STXBP3: variants seen among roughly 807,000 people sequenced by gnomAD.
The protein encoded by STXBP3 is syntaxin binding protein 3, also known as syntaxin-binding protein 3.
Under a neutral mutation model 85.7 loss-of-function variants are expected in STXBP3, and 41 were observed. The observed-to-expected ratio is 0.48, with a 90% CI of 0.37 to 0.62. The LOEUF (loss-of-function observed/expected upper bound fraction) is 0.62. Ranked by LOEUF, STXBP3 falls within the 20% of genes least tolerant of loss-of-function variation. STXBP3 has a pLI of 0.00. For synonymous variants in STXBP3, 229 were observed against 231.7 expected (o/e 0.99, Z 0.10); for missense variants, 563 against 703.1 (o/e 0.80, Z 2.25).
intron 15 of STXBP3, among the ~76,000 whole-genome samples, chr1:108,797,553 C>T (rs531209949): frequency 6.4e-4 from 97 of 151,444 alleles, no homozygotes; most frequent in African/African-American, 2.1e-3. Context: ...GGATTACAGG[C>T]GCCTGCCATC....
chr1:108,772,901 A>G (rs768422624), intron 7 of STXBP3, 82 bp downstream of exon 7: 2 of 1,297,008 alleles, frequency 1.5e-6, no homozygotes, highest in Non-Finnish European at 1.0e-6. Flanking sequence ...GTACCTTGGC[A>G]TGTTGGTTTG....
At chr1:108,795,800 T>G (rs1244357954) in intron 13 of STXBP3, among the ~76,000 whole-genome samples, 1 of 152,260 alleles carries the variant, frequency 6.6e-6, no homozygotes, top group Non-Finnish European at 1.5e-5. Flanking sequence ...ATGTTCATAT[T>G]TTCTTGTGTA....
chr1:108,753,321 C>T (rs1431330922), intron 3 of STXBP3, 177 bp downstream of exon 3: 11 of 339,986 alleles, frequency 3.2e-5, no homozygotes, highest in South Asian at 7.9e-5. Context: ...TTCCCTCAGC[C>T]GAGACATATA....
rs146836459 is a variant in STXBP3, at chr1:108,757,350, C to T, written c.258+584C>T. On this transcript the variant is annotated intron_variant, in intron 4 of 18. Coordinates refer to ENST00000370008, the MANE Select transcript of STXBP3 (RefSeq NM_007269.4). ...ATCTCTCACTTATTCCCATGTAGAACGTTAATTTGGCAATCTCTGTTTCAT... is the reference window on the plus strand; with the variant it reads ...ATCTCTCACTTATTCCCATGTAGAATGTTAATTTGGCAATCTCTGTTTCAT... 3.7e-3 allele frequency among the ~76,000 whole-genome samples: 556 copies of T among 152,008 alleles called. 3 individuals are homozygous for T. The highest frequency in any genetic ancestry group is 0.014 in the Middle Eastern group (4 of 294).
chr1:108,792,077 A>G (rs1040912874), intron 11 of STXBP3, among the ~76,000 whole-genome samples: 1 of 152,226 alleles, frequency 6.6e-6, no homozygotes, highest in African/African-American at 2.4e-5. Flanking sequence ...GCAATTATGA[A>G]TAAAGCTACT....
chr1:108,809,062 C>A lies in STXBP3; in HGVS notation c.*185C>A. On this transcript the variant is annotated 3_prime_UTR_variant, in exon 19 of 19. Transcript: ENST00000370008. ...GTCATTTTTGATAATTTAAATATTG[C>A]TGCTGCTTTGTAGATGATGAGAAGA... 1 of 497,306 alleles carries A rather than the reference C, an allele frequency of 2.0e-6. No individual in the cohort carries two copies. Among genetic ancestry groups the A allele is most frequent in the Non-Finnish European group, 3.5e-6 (1 of 287,638 alleles). The allele number at this position is 497,306 out of a possible 1,614,324, so 30.8% of individuals were successfully genotyped here.
At chr1:108,752,496 G>A (rs942722739) in intron 2 of STXBP3, among the ~76,000 whole-genome samples, 190 bp downstream of exon 2, 4 of 152,264 alleles carry the variant, frequency 2.6e-5, no homozygotes, top group Non-Finnish European at 4.4e-5. Context: ...AGAGATTTGA[G>A]CATCCATGGA....
chr1:108,793,169 T>C (rs1433856183), intron 11 of STXBP3, among the ~76,000 whole-genome samples: 4 of 145,074 alleles, frequency 2.8e-5, no homozygotes, highest in South Asian at 2.3e-4. Context: ...TTTTTTTTTT[T>C]TTTTTTTTTT....
In STXBP3 at chr1:108,753,143, T is replaced by G. The variant is rs1192979501; in HGVS notation, c.180T>G (p.Thr60=). 2 of 1,574,664 alleles carry G rather than the reference T, an allele frequency of 1.3e-6. No individual in the cohort carries two copies. Among genetic ancestry groups the G allele is most frequent in the African/African-American group, 2.7e-5 (2 of 73,186 alleles). The change falls in exon 3 of 19, where the codon ACT becomes ACG. Residue 60 remains threonine (T), a splice_region_variant and synonymous_variant. Coordinates refer to ENST00000370008, the MANE Select transcript of STXBP3 (RefSeq NM_007269.4). ...CAGATCTTCTAGAAGAAGGTATTAC[T>G]GGTAAGTGTTATTCTTGGCATGAAC... ...KMTDLLEEGI[T]VVENIYKNRE...
intron 7 of STXBP3, 97 bp downstream of exon 7, chr1:108,772,916 A>T: frequency 8.2e-7 from 1 of 1,216,768 alleles, no homozygotes; most frequent in Non-Finnish European, 1.1e-6. Flanking sequence ...GGTTTGCAAA[A>T]TTTATTTTCT....
chr1:108,770,819 A>T (rs1354275631), intron 6 of STXBP3, among the ~76,000 whole-genome samples: 1 of 152,124 alleles, frequency 6.6e-6, no homozygotes, highest in Non-Finnish European at 1.5e-5. Context: ...CTTTGTACAT[A>T]AGTAAATTAT....
chr1:108,799,026 T>G (rs61797348), intron 16 of STXBP3, among the ~76,000 whole-genome samples: 7,338 of 152,266 alleles, frequency 0.048, 220 homozygotes, highest in Admixed American at 0.07. Flanking sequence ...TTATAGGAAA[T>G]TATAAAATGA....
chr1:108,768,137 A>G (rs76989906), intron 6 of STXBP3, among the ~76,000 whole-genome samples: 7,356 of 152,270 alleles, frequency 0.048, 220 homozygotes, highest in Admixed American at 0.07. Flanking sequence ...CTCTTTTTAA[A>G]TATTTATTTA....
chr1:108,794,354 CAGAT>C (rs987419276), intron 12 of STXBP3, among the ~76,000 whole-genome samples: 1 of 152,086 alleles, frequency 6.6e-6, no homozygotes, highest in African/African-American at 2.4e-5. Context: ...AATTGACTCA[CAGAT>C]CTACATGGCT....
chr1:108,785,749 C>G (rs952302098), intron 11 of STXBP3, among the ~76,000 whole-genome samples: 1 of 152,120 alleles, frequency 6.6e-6, no homozygotes, highest in Non-Finnish European at 1.5e-5. Context: ...CCAGATAACC[C>G]TAAATCATCT....
At position 108,809,165 on chromosome 1, in the gene STXBP3, A is replaced by G; in HGVS notation, c.*288A>G. 1 of 274,244 alleles carries G rather than the reference A, an allele frequency of 3.6e-6. No homozygotes were observed. Among genetic ancestry groups the G allele is most frequent in the Non-Finnish European group, 6.8e-6 (1 of 146,772 alleles). The allele number at this position is 274,244 out of a possible 1,614,324, so 17.0% of individuals were successfully genotyped here. On this transcript the variant is annotated 3_prime_UTR_variant, in exon 19 of 19. Coordinates refer to ENST00000370008, the MANE Select transcript of STXBP3 (RefSeq NM_007269.4). Reference sequence around the variant, plus strand: ...ATTAGAGTTGTGGGTAATTTTTCACAGCCACCTATGTACATACTAATTACC... The same window carrying G: ...ATTAGAGTTGTGGGTAATTTTTCACGGCCACCTATGTACATACTAATTACC...
At chr1:108,801,282 T>C (rs1388898304) in intron 17 of STXBP3, among the ~76,000 whole-genome samples, 2 of 152,204 alleles carry the variant, frequency 1.3e-5, no homozygotes, top group African/African-American at 4.8e-5. Context: ...GAATGTTTTT[T>C]TTTCCCCCAA....
chr1:108,783,521 A>G (rs1049204195), intron 11 of STXBP3, among the ~76,000 whole-genome samples: 1 of 152,178 alleles, frequency 6.6e-6, no homozygotes, highest in Admixed American at 6.5e-5. Flanking sequence ...TATAGTAGTA[A>G]TACCATTATG....
intron 6 of STXBP3, among the ~76,000 whole-genome samples, chr1:108,765,591 T>TTTTTTC (rs796642937): frequency 0.25 from 31,041 of 122,438 alleles, 5,635 homozygotes; most frequent in African/African-American, 0.34. Context: ...TTTTTTTTTT[T>TTTTTTC]TGAGACGGAG....
Sources: gnomAD v4.1 joint callset for allele counts (sites outside exome capture counted in the v4.1 genomes callset) on GRCh38, gnomAD v4.1.1 for gene constraint, MANE v1.5 for transcripts, NCBI Gene and HGNC (gene_info 2026-07-23, HGNC 2026-07-21) for gene names.